JARID2: variants seen among roughly 807,000 people sequenced by gnomAD.
JARID2 encodes protein Jumonji.
A neutral mutation model predicts 125.6 loss-of-function variants in JARID2; 21 were observed. The observed-to-expected ratio is 0.17, with a 90% CI of 0.12 to 0.24. The LOEUF (loss-of-function observed/expected upper bound fraction) is 0.24. Among genes scored for constraint, JARID2 ranks in the 10% least tolerant of loss-of-function variants. The pLI is 1.00. For synonymous variants in JARID2, 736 were observed against 661.6 expected, an observed-to-expected ratio of 1.11 and a Z score of -1.73; for missense variants, 1,303 against 1,639.6, an observed-to-expected ratio of 0.79 and a Z score of 3.55.
chr6:15,257,346 C>G (rs1759703594), intron 1 of JARID2, among the ~76,000 whole-genome samples: 5 of 152,096 alleles, frequency 3.3e-5, no homozygotes, highest in Admixed American at 3.3e-4. Flanking sequence ...ATTGAAATCA[C>G]ATACTGGACA....
intron 1 of JARID2, among the ~76,000 whole-genome samples, chr6:15,315,912 A>G (rs1762164254): frequency 6.6e-6 from 1 of 152,152 alleles, no homozygotes; most frequent in South Asian, 2.1e-4. Context: ...GAAGTAAGTG[A>G]TGACTTCCAA....
intron 2 of JARID2, among the ~76,000 whole-genome samples, chr6:15,407,514 T>C (rs17638720): frequency 0.093 from 14,216 of 152,282 alleles, 799 homozygotes; most frequent in South Asian, 0.17. Context: ...TCACCTCTTA[T>C]TCAGCTAAGA....
chr6:15,416,337 G>C (rs7766592), intron 3 of JARID2, among the ~76,000 whole-genome samples: 66,319 of 151,858 alleles, frequency 0.44, 14,575 homozygotes, highest in Admixed American at 0.49. Flanking sequence ...CAAGGCAGGC[G>C]GCTGGGAGGT....
intron 13 of JARID2, among the ~76,000 whole-genome samples, chr6:15,511,616 T>G (rs1771282255): frequency 6.6e-6 from 1 of 152,156 alleles, no homozygotes; most frequent in Non-Finnish European, 1.5e-5. Flanking sequence ...TGCATCTGTT[T>G]TGGGGCTTGT....
chr6:15,420,829 A>G (rs1766454003), intron 3 of JARID2, among the ~76,000 whole-genome samples: 1 of 152,208 alleles, frequency 6.6e-6, no homozygotes, highest in Non-Finnish European at 1.5e-5. Context: ...AACCCTTACG[A>G]GTATTTTACT....
chr6:15,381,711 G>A (rs973701931), intron 2 of JARID2, among the ~76,000 whole-genome samples: 1 of 152,144 alleles, frequency 6.6e-6, no homozygotes, highest in Non-Finnish European at 1.5e-5. Context: ...TTTTCATTTT[G>A]TAAGTGTTGG....
intron 4 of JARID2, among the ~76,000 whole-genome samples, chr6:15,461,677 C>T (rs918613512): frequency 3.9e-5 from 6 of 152,124 alleles, no homozygotes; most frequent in African/African-American, 1.2e-4. Flanking sequence ...GATTTTATAC[C>T]TATGAGCATA....
In JARID2 at chr6:15,444,525, G is replaced by C. The variant is rs1294045314; in HGVS notation, c.324-7481G>C. On this transcript the variant is annotated intron_variant, in intron 3 of 17. Coordinates refer to ENST00000341776, the MANE Select transcript of JARID2 (RefSeq NM_004973.4). Reference sequence around the variant, plus strand: ...TGCGCACACACACGGGCACACTCTTGTTTCTTTGAGTGGCTGCCAGGTTTG... The same window carrying C: ...TGCGCACACACACGGGCACACTCTTCTTTCTTTGAGTGGCTGCCAGGTTTG... Among the ~76,000 whole-genome samples, 9 of 152,054 alleles carry C rather than the reference G, an allele frequency of 5.9e-5. No homozygotes were observed. In the East Asian group the frequency reaches 1.7e-3, roughly 29 times the overall value.
chr6:15,514,878 C>T (rs1039979159), intron 16 of JARID2, among the ~76,000 whole-genome samples: 13 of 152,178 alleles, frequency 8.5e-5, no homozygotes, highest in Non-Finnish European at 1.6e-4. Flanking sequence ...GCCTCCTGTC[C>T]TGTAGATTTC....
chr6:15,385,609 A>G (rs1159955919), intron 2 of JARID2, among the ~76,000 whole-genome samples: 1 of 151,938 alleles, frequency 6.6e-6, no homozygotes, highest in Non-Finnish European at 1.5e-5. Context: ...TGAGAGGAAA[A>G]TTCATTTGTG....
chr6:15,298,240 T>C (rs901425265), intron 1 of JARID2, among the ~76,000 whole-genome samples: 8 of 152,216 alleles, frequency 5.3e-5, no homozygotes, highest in African/African-American at 1.9e-4. Flanking sequence ...CGCTCTCCTA[T>C]GCTTGCAAAA....
At chr6:15,468,855 G>C (rs556659087) in intron 5 of JARID2, 137 bp downstream of exon 5, 465 of 767,208 alleles carry the variant, frequency 6.1e-4, no homozygotes, top group Non-Finnish European at 8.7e-4. Context: ...CACTTCATGG[G>C]CAAAGGGATT....
At chr6:15,502,329 C>T (rs563081207) in intron 8 of JARID2, among the ~76,000 whole-genome samples, 10 of 152,330 alleles carry the variant, frequency 6.6e-5, no homozygotes, top group South Asian at 6.2e-4. Flanking sequence ...CCCAGCTGGC[C>T]GAGCTCAGCT....
chr6:15,415,516 T>A (rs562984373), intron 3 of JARID2, among the ~76,000 whole-genome samples: 2 of 135,850 alleles, frequency 1.5e-5, no homozygotes, highest in Non-Finnish European at 3.1e-5. Flanking sequence ...CAGTAGGGGC[T>A]GCCGGGCAGA....
chr6:15,507,598 T>G (rs933589037), intron 11 of JARID2, among the ~76,000 whole-genome samples, 182 bp downstream of exon 11: 1 of 152,014 alleles, frequency 6.6e-6, no homozygotes, highest in Middle Eastern at 3.2e-3. Flanking sequence ...ATTGGTGAAG[T>G]CAGTAGAAAA....
chr6:15,412,814 C>T (rs987687324), intron 3 of JARID2, among the ~76,000 whole-genome samples: 18 of 152,000 alleles, frequency 1.2e-4, no homozygotes, highest in South Asian at 2.1e-4. Flanking sequence ...CTGTCTTCAA[C>T]GCACATACAG....
intron 3 of JARID2, among the ~76,000 whole-genome samples, chr6:15,444,402 T>C (rs1767576594): frequency 6.6e-6 from 1 of 152,212 alleles, no homozygotes; most frequent in African/African-American, 2.4e-5. Context: ...TTACAACCAT[T>C]CTGTGTGGTT....
chr6:15,498,251 C>T (rs139740252), intron 7 of JARID2, among the ~76,000 whole-genome samples: 3 of 152,242 alleles, frequency 2.0e-5, no homozygotes, highest in Admixed American at 2.0e-4. Context: ...TTTTCTGAGA[C>T]CAGGTTTTTT....
At chr6:15,480,000 G>A (rs1258945378) in intron 5 of JARID2, among the ~76,000 whole-genome samples, 1 of 152,210 alleles carries the variant, frequency 6.6e-6, no homozygotes, top group Non-Finnish European at 1.5e-5. Context: ...CAGTAACAGG[G>A]ATTTAATGCC....
Sources: gnomAD v4.1 joint callset for allele counts (sites outside exome capture counted in the v4.1 genomes callset) on GRCh38, gnomAD v4.1.1 for gene constraint, MANE v1.5 for transcripts, NCBI Gene and HGNC (gene_info 2026-07-23, HGNC 2026-07-21) for gene names.